The following PAN3 variants were observed in gnomAD, a reference collection of about 807,000 sequenced individuals.
PAN3 encodes PAN2-PAN3 deadenylation complex subunit PAN3.
A neutral mutation model predicts 96.2 loss-of-function variants in PAN3; 19 were observed. That is an observed-to-expected ratio of 0.20 (90% CI 0.14 to 0.29). The LOEUF (loss-of-function observed/expected upper bound fraction) is 0.29. PAN3 is among the 10% of genes least tolerant of loss of function. The pLI is 1.00. For synonymous variants in PAN3, 433 were observed against 406.6 expected (o/e 1.06, Z -0.78); for missense variants, 882 against 1,108.1 (o/e 0.80, Z 2.90).
intron 17 of PAN3, among the ~76,000 whole-genome samples, chr13:28,285,320 A>C (rs921778785): frequency 1.3e-5 from 2 of 152,220 alleles, no homozygotes; most frequent in Non-Finnish European, 2.9e-5. Flanking sequence ...CTTTCAGTAC[A>C]TAGGTAAGTA....
Position 28,172,162 on chromosome 13 carries a change from T to C in PAN3, c.431-2110T>C, listed in dbSNP as rs558518904. ...TTCGCAGTGTCACAGACACATACAA[T>C]TATTTAGTCTTGGCTGGGCACGGTG... On this transcript the variant is annotated intron_variant, in intron 1 of 18. Transcript: ENST00000380958. Among the ~76,000 whole-genome samples, 21 of 152,250 alleles carry C rather than the reference T, an allele frequency of 1.4e-4. No individual in the cohort carries two copies. The East Asian group carries it at 4.1e-3, about 29-fold the overall frequency.
chr13:28,167,370 G>A (rs1176440556), intron 1 of PAN3, among the ~76,000 whole-genome samples: 2 of 151,702 alleles, frequency 1.3e-5, no homozygotes, highest in South Asian at 2.1e-4. Flanking sequence ...CATGTTGGCC[G>A]GGTTGGTCTC....
intron 6 of PAN3, among the ~76,000 whole-genome samples, chr13:28,247,392 C>A (rs1205534825): frequency 6.6e-6 from 1 of 151,978 alleles, no homozygotes; most frequent in Admixed American, 6.6e-5. Flanking sequence ...AGATTGTCTT[C>A]ACTTTGTTGA....
In PAN3 at chr13:28,202,658, T is replaced by TACACACAC. The variant is rs140754799; in HGVS notation, c.852+5326_852+5333dup. ...AGGCAGGATAGAATATATATATGTA[T>TACACACAC]ACACACACACACACACACACAATTT... On this transcript the variant is annotated intron_variant, in intron 5 of 18. Transcript: ENST00000380958. 6.8e-3 allele frequency among the ~76,000 whole-genome samples: 1,018 copies of TACACACAC among 150,088 alleles called. 10 individuals are homozygous for TACACACAC. The highest frequency in any genetic ancestry group is 0.024 in the African/African-American group (984 of 40,918).
At chr13:28,257,850 T>C (rs1241750602) in intron 7 of PAN3, among the ~76,000 whole-genome samples, 1 of 149,224 alleles carries the variant, frequency 6.7e-6, no homozygotes, top group African/African-American at 2.5e-5. Flanking sequence ...GTTCGCTATT[T>C]CACCCAGGCT....
At chr13:28,276,760 A>G (rs749978788) in intron 14 of PAN3, among the ~76,000 whole-genome samples, 14 of 152,218 alleles carry the variant, frequency 9.2e-5, no homozygotes, top group Admixed American at 1.3e-4. Flanking sequence ...AATCCTTCAC[A>G]TTCCCACTAT....
At chr13:28,261,230 C>T (rs112896341) in intron 8 of PAN3, among the ~76,000 whole-genome samples, 171 bp from the exon 9 acceptor site, 226 of 152,222 alleles carry the variant, frequency 1.5e-3, no homozygotes, top group African/African-American at 5.2e-3. Context: ...CTGTCTGGGC[C>T]TGGAGTTCAG....
intron 6 of PAN3, among the ~76,000 whole-genome samples, chr13:28,256,042 G>GA (rs1161218813): frequency 6.6e-6 from 1 of 151,978 alleles, no homozygotes; most frequent in Non-Finnish European, 1.5e-5. Flanking sequence ...CCTTGATATG[G>GA]AGGAGACTAT....
intron 4 of PAN3, 93 bp downstream of exon 4, chr13:28,178,028 A>T (rs911358097): frequency 8.8e-7 from 1 of 1,142,098 alleles, no homozygotes; most frequent in South Asian, 1.3e-5. Flanking sequence ...TTGTAAGTGG[A>T]GGGAGAGCTT....
At chr13:28,195,463 C>G (rs1877933660) in intron 4 of PAN3, among the ~76,000 whole-genome samples, 1 of 152,068 alleles carries the variant, frequency 6.6e-6, no homozygotes, top group Non-Finnish European at 1.5e-5. Flanking sequence ...AGTAGGCATT[C>G]TAGTTACCTT....
intron 6 of PAN3, among the ~76,000 whole-genome samples, chr13:28,253,398 A>G (rs1321006602): frequency 6.6e-6 from 1 of 152,204 alleles, no homozygotes; most frequent in African/African-American, 2.4e-5. Context: ...GTGGATGTGT[A>G]GATATTTTAC....
At chr13:28,290,429 C>T (rs1869605884) in intron 18 of PAN3, among the ~76,000 whole-genome samples, 1 of 152,164 alleles carries the variant, frequency 6.6e-6, no homozygotes, top group African/African-American at 2.4e-5. Flanking sequence ...CGCCTGTAAT[C>T]CCAGCACTTT....
intron 17 of PAN3, among the ~76,000 whole-genome samples, chr13:28,286,695 G>A (rs1869013532): frequency 6.6e-6 from 1 of 152,068 alleles, no homozygotes; most frequent in South Asian, 2.1e-4. Context: ...TGATCCCTTT[G>A]TCCTTGTGTT....
At chr13:28,278,108 A>G (rs1341149908) in intron 15 of PAN3, among the ~76,000 whole-genome samples, 1 of 152,246 alleles carries the variant, frequency 6.6e-6, no homozygotes, top group Admixed American at 6.5e-5. Context: ...GTGCTAATCA[A>G]CAGTCTCTTT....
chr13:28,216,316 T>C (rs1880763703), intron 5 of PAN3, among the ~76,000 whole-genome samples: 1 of 151,936 alleles, frequency 6.6e-6, no homozygotes, highest in African/African-American at 2.4e-5. Context: ...CCTGGAGACT[T>C]GGGGGCAGAG....
chr13:28,255,995 T>A (rs9551452), intron 6 of PAN3, among the ~76,000 whole-genome samples: 21,166 of 152,044 alleles, frequency 0.14, 1,806 homozygotes, highest in East Asian at 0.32. Context: ...TTTATTAAAT[T>A]TTTGGTCACT....
intron 5 of PAN3, among the ~76,000 whole-genome samples, chr13:28,203,726 T>C (rs111704345): frequency 0.013 from 1,907 of 152,298 alleles, 31 homozygotes; most frequent in African/African-American, 0.044. Flanking sequence ...TTTTTTAATC[T>C]TTTAAGCCTT....
intron 5 of PAN3, among the ~76,000 whole-genome samples, chr13:28,210,044 A>G (rs1159370581): frequency 2.6e-5 from 4 of 152,090 alleles, no homozygotes; most frequent in African/African-American, 4.8e-5. Flanking sequence ...TTGGCCTCCT[A>G]AAGTAGTAGA....
chr13:28,257,691 A>T lies in PAN3; in HGVS notation c.1248+1152A>T, dbSNP rs1376328324. On this transcript the variant is annotated intron_variant, in intron 7 of 18. Coordinates refer to ENST00000380958, the MANE Select transcript of PAN3 (RefSeq NM_175854.8). ...ATATGTAAAGTTATTAAATTATATA[A>T]ATATATATTATATATATTATATATA... Among the ~76,000 whole-genome samples, 5 of 140,160 alleles carry T rather than the reference A, an allele frequency of 3.6e-5. No homozygotes were observed. In the East Asian group the frequency reaches 7.9e-4, roughly 22 times the overall value. 92.0% of individuals were successfully genotyped at this position (140,160 alleles called of 152,430 possible). A position where few individuals can be genotyped will look rare whatever the true frequency, so the allele number is the denominator to read the frequency against.
Sources: allele counts gnomAD v4.1 joint callset (sites outside exome capture counted in the v4.1 genomes callset), GRCh38; gene constraint gnomAD v4.1.1; transcripts MANE v1.5; gene names NCBI Gene and HGNC (gene_info 2026-07-23, HGNC 2026-07-21).